The following TAMM41 variants were observed in gnomAD, a reference collection of about 807,000 sequenced individuals.
The protein encoded by TAMM41 is TAM41 mitochondrial translocator assembly and maintenance homolog, also known as phosphatidate cytidylyltransferase, mitochondrial.
In TAMM41, 36 loss-of-function variants were observed where a neutral mutation model predicts 44.1. The observed-to-expected ratio is 0.82, with a 90% CI of 0.63 to 1.08. The LOEUF is 1.08. Among genes scored for constraint, TAMM41 ranks in the 50% least tolerant of loss-of-function variants. The probability of loss-of-function intolerance (pLI) is 0.00; values close to 1 mark genes in which losing one functional copy is unlikely to be tolerated. For synonymous variants in TAMM41, 164 were observed against 153.1 expected, an observed-to-expected ratio of 1.07 and a Z score of -0.53; for missense variants, 417 against 404.3, an observed-to-expected ratio of 1.03 and a Z score of -0.27.
chr3:11,739,848 C>A, the TAMM41 span, among the ~76,000 whole-genome samples: 1 of 152,078 alleles, frequency 6.6e-6, no homozygotes, highest in Non-Finnish European at 1.5e-5. Flanking sequence ...GCCATTGTTT[C>A]TTTCCCCCGG....
At chr3:11,815,248 G>A (rs529431473) in intron 5 of TAMM41, among the ~76,000 whole-genome samples, 33 of 152,232 alleles carry the variant, frequency 2.2e-4, no homozygotes, top group African/African-American at 7.2e-4. Context: ...AAACTAGCAC[G>A]GGGGAGGCAA....
chr3:11,767,687 G>A, the TAMM41 span, among the ~76,000 whole-genome samples: 3,788 of 128,192 alleles, frequency 0.03, 169 homozygotes, highest in African/African-American at 0.11. Flanking sequence ...GTGCAGTGGT[G>A]CAATCTAAGC....
At chr3:11,814,524 G>A (rs2124975886) in intron 5 of TAMM41, among the ~76,000 whole-genome samples, 1 of 150,352 alleles carries the variant, frequency 6.7e-6, no homozygotes, top group Admixed American at 6.6e-5. Flanking sequence ...GAGAGAGAAA[G>A]GAAAAAAGGT....
intron 3 of TAMM41, among the ~76,000 whole-genome samples, chr3:11,837,848 C>T (rs1186008430): frequency 2.6e-5 from 4 of 152,142 alleles, no homozygotes; most frequent in Non-Finnish European, 5.9e-5. Context: ...CAACTTGGAG[C>T]CCGATCCAGT....
intron 2 of TAMM41, 54 bp downstream of exon 2, chr3:11,843,975 A>C: frequency 6.3e-7 from 1 of 1,578,904 alleles, no homozygotes. Context: ...CTGGCACTCT[A>C]ATAACCCAGG....
intron 5 of TAMM41, among the ~76,000 whole-genome samples, chr3:11,816,306 T>C (rs1009501139): frequency 1.3e-5 from 2 of 151,878 alleles, no homozygotes; most frequent in African/African-American, 4.8e-5. Flanking sequence ...TAAGAAAGTT[T>C]TATTTGATAT....
downstream of TAMM41, among the ~76,000 whole-genome samples, chr3:11,786,279 ATTTAAT>A (rs1205490502): frequency 1.8e-5 from 2 of 111,546 alleles, no homozygotes; most frequent in African/African-American, 3.3e-5. Flanking sequence ...TTATTTATTT[ATTTAAT>A]TTTATTATTA....
At chr3:11,778,349 C>A in the TAMM41 span, among the ~76,000 whole-genome samples, 1 of 152,162 alleles carries the variant, frequency 6.6e-6, no homozygotes, top group African/African-American at 2.4e-5. Context: ...CTGCTTCAGC[C>A]TCTCAAGTAG....
chr3:11,838,349 G>A lies in TAMM41; in HGVS notation c.411+873C>T, dbSNP rs117068336. Among the ~76,000 whole-genome samples, 114 of 152,310 alleles carry A rather than the reference G, an allele frequency of 7.5e-4. No individual in the cohort carries two copies. The East Asian group carries it at 0.015, about 20-fold the overall frequency. ...CCTGCCTCAGCCTCCCCCAGTAGCT[G>A]GGATTGCAGGCATGTGCCACCACGC... On this transcript the variant is annotated intron_variant, in intron 3 of 7. Transcript: ENST00000455809.
intron 2 of TAMM41, among the ~76,000 whole-genome samples, chr3:11,842,799 C>G (rs887189069): frequency 6.6e-6 from 1 of 152,306 alleles, no homozygotes; most frequent in Non-Finnish European, 1.5e-5. Flanking sequence ...CGATGCCGGC[C>G]AAAGCCTGAC....
chr3:11,824,037 G>A (rs746839855), intron 4 of TAMM41, among the ~76,000 whole-genome samples: 4 of 151,938 alleles, frequency 2.6e-5, no homozygotes, highest in Non-Finnish European at 5.9e-5. Context: ...ATGTTGGCCA[G>A]ACTGGTCTGG....
intron 7 of TAMM41, 44 bp downstream of exon 7, chr3:11,807,789 C>A: frequency 6.5e-7 from 1 of 1,536,098 alleles, no homozygotes. Context: ...GTGGAAGCCA[C>A]TCAGTCAGCA....
At chr3:11,797,819 T>C (rs2077647341) in intron 7 of TAMM41, among the ~76,000 whole-genome samples, 1 of 151,990 alleles carries the variant, frequency 6.6e-6, no homozygotes, top group Admixed American at 6.6e-5. Flanking sequence ...AACAGCCCCA[T>C]TACAAAGTGG....
At chr3:11,750,282 A>G in the TAMM41 span, among the ~76,000 whole-genome samples, 1 of 151,828 alleles carries the variant, frequency 6.6e-6, no homozygotes, top group Non-Finnish European at 1.5e-5. Flanking sequence ...TTTAGGCTCA[A>G]GACTAACCCT....
chr3:11,737,036 A>C, the TAMM41 span, among the ~76,000 whole-genome samples: 4 of 151,940 alleles, frequency 2.6e-5, no homozygotes. Context: ...CGTCTGCACC[A>C]GATGGCTCCC....
downstream of TAMM41, among the ~76,000 whole-genome samples, chr3:11,787,597 A>G (rs1420432727): frequency 1.3e-5 from 2 of 152,186 alleles, no homozygotes; most frequent in African/African-American, 4.8e-5. Flanking sequence ...GGACTATCCC[A>G]TGCCATCTAA....
chr3:11,743,263 T>C, the TAMM41 span, among the ~76,000 whole-genome samples: 1 of 152,034 alleles, frequency 6.6e-6, no homozygotes, highest in African/African-American at 2.4e-5. Flanking sequence ...GGTTTGGGCA[T>C]TGTTTCTGGT....
intron 5 of TAMM41, chr3:11,811,198 G>T (rs2078077764): frequency 1.3e-5 from 2 of 152,068 alleles, no homozygotes; most frequent in Admixed American, 1.3e-4. Flanking sequence ...AAATATTTAG[G>T]TTTTTATCTA....
At chr3:11,764,486 CTTTTTTTTTTT>C in the TAMM41 span, among the ~76,000 whole-genome samples, 5 of 68,140 alleles carry the variant, frequency 7.3e-5, no homozygotes, top group South Asian at 5.2e-4. Context: ...TAATCTTATT[CTTTTTTTTTTT>C]TTTTTTTTTT....
Sources: gnomAD v4.1 joint callset for allele counts (sites outside exome capture counted in the v4.1 genomes callset) on GRCh38, gnomAD v4.1.1 for gene constraint, MANE v1.5 for transcripts, NCBI Gene and HGNC (gene_info 2026-07-23, HGNC 2026-07-21) for gene names.